The following HYAL1 variants were observed in gnomAD, a reference collection of about 807,000 sequenced individuals.
HYAL1 encodes hyaluronidase-1.
Under a neutral mutation model 28.8 loss-of-function variants are expected in HYAL1, and 21 were observed. The observed-to-expected ratio is 0.73, with a 90% CI of 0.52 to 1.05. The LOEUF is 1.05. Among genes scored for constraint, HYAL1 ranks in the 50% least tolerant of loss-of-function variants. The pLI, the probability that HYAL1 is intolerant of heterozygous loss-of-function variation, is 0.00. For synonymous variants in HYAL1, 200 were observed against 230.1 expected, an observed-to-expected ratio of 0.87 and a Z score of 1.18; for missense variants, 491 against 579.2, an observed-to-expected ratio of 0.85 and a Z score of 1.56.
rs782722149 is a variant in HYAL1, at chr3:50,302,342, A to G, written c.615T>C (p.Pro205=). Residue 205 remains proline (P), a synonymous_variant, in exon 2 of 4, where the codon CCT becomes CCC. Coordinates refer to ENST00000395144, the MANE Select transcript of HYAL1 (RefSeq NM_033159.4). The surrounding 1 kb of genome is among the most constrained non-coding windows in gnomAD (Gnocchi z 5.0). ...TTAGAAAGTCATAGTTGTAGCAGTC[A>G]GGGAAGCCATAGAAGCCCCAGAGGC... The part of the protein sequence containing the change: ...PRGLWGFYGF[P]DCYNYDFLSP... The G allele has an allele frequency of 6.2e-6, 10 of 1,613,416 alleles. No homozygotes were observed. The highest frequency in any genetic ancestry group is 6.8e-6 in the Non-Finnish European group (8 of 1,179,944).
chr3:50,311,211 TGGCTGGCCGGGCGGGG>T (rs1419595801), intron 1 of HYAL1, among the ~76,000 whole-genome samples: 2 of 108,932 alleles, frequency 1.8e-5, no homozygotes, highest in African/African-American at 7.0e-5. Flanking sequence ...CCGGACGGGG[TGGCTGGCCGGGCGGGG>T]GGCTGACCCC....
intron 1 of HYAL1, among the ~76,000 whole-genome samples, chr3:50,311,270 A>AC (rs1553714755): frequency 9.4e-6 from 1 of 106,644 alleles, no homozygotes; most frequent in African/African-American, 3.5e-5. Context: ...CGGGGGGCTG[A>AC]CCCCCCAACC....
At chr3:50,310,349 C>T (rs1405396499) in intron 1 of HYAL1, among the ~76,000 whole-genome samples, 12 of 145,324 alleles carry the variant, frequency 8.3e-5, no homozygotes, top group African/African-American at 1.3e-4. Context: ...ACTGAACCTC[C>T]GCCTCTCAGG....
upstream of HYAL1, among the ~76,000 whole-genome samples, chr3:50,304,283 A>G: frequency 1.8e-5 from 1 of 56,796 alleles, no homozygotes; most frequent in East Asian, 5.9e-4. Context: ...TCAAAAAAAA[A>G]AAAAAAAAAA....
chr3:50,310,855 G>A (rs1458271959), intron 1 of HYAL1, among the ~76,000 whole-genome samples: 4 of 150,898 alleles, frequency 2.7e-5, no homozygotes, highest in Admixed American at 1.3e-4. Flanking sequence ...ATCTTGCACC[G>A]CCCTTAATCC....
Position 50,300,435 on chromosome 3 carries a change from C to T in HYAL1, c.*48G>A. The T allele has an allele frequency of 6.3e-7, 1 of 1,595,462 alleles. No homozygotes were observed. The highest frequency in any genetic ancestry group is 8.6e-7 in the Non-Finnish European group (1 of 1,163,396). ...TGTATTTGAGGAAGCCCTGGCCAGA[C>T]CCAGAGTGCATTAGGTTCTCAATAT... On this transcript the variant is annotated 3_prime_UTR_variant, in exon 4 of 4. Coordinates refer to ENST00000395144, the MANE Select transcript of HYAL1 (RefSeq NM_033159.4).
At chr3:50,303,116 C>T in intron 1 of HYAL1, 136 bp from the exon 2 acceptor site, 1 of 696,122 alleles carries the variant, frequency 1.4e-6, no homozygotes, top group Non-Finnish European at 2.3e-6. Context: ...TGCAGGGCTC[C>T]AGGAGGGCAG....
At chr3:50,311,487 C>A (rs1702453283) in intron 1 of HYAL1, among the ~76,000 whole-genome samples, 1 of 123,482 alleles carries the variant, frequency 8.1e-6, no homozygotes, top group Non-Finnish European at 1.7e-5. Context: ...GCTGGCCGGG[C>A]AGAGGGGCTC....
Position 50,302,529 on chromosome 3 carries a change from G to A in HYAL1, c.428C>T (p.Thr143Ile), listed in dbSNP as rs1553713251. 2 of 1,614,176 alleles carry A rather than the reference G, an allele frequency of 1.2e-6. No individual in the cohort carries two copies. The highest frequency in any genetic ancestry group is 2.2e-5 in the East Asian group (1 of 44,882). ...WRPRWAFNWD[T>I]KDIYRQRSRA... ...TGAGCGCTGCCGGTAAATGTCCTTGGTGTCCCAGTTGAAGGCCCAGCGTGG... is the reference window on the plus strand; with the variant it reads ...TGAGCGCTGCCGGTAAATGTCCTTGATGTCCCAGTTGAAGGCCCAGCGTGG... Residue 143 changes from threonine (T) to isoleucine (I), a missense_variant, in exon 2 of 4, where the codon ACC becomes ATC. Thr to Ile is a moderately conservative substitution (Grantham distance 89). Coordinates refer to ENST00000395144, the MANE Select transcript of HYAL1 (RefSeq NM_033159.4). The surrounding 1 kb of genome is among the most constrained non-coding windows in gnomAD (Gnocchi z 5.0).
At chr3:50,305,286 C>T (rs1702313707), upstream of HYAL1, among the ~76,000 whole-genome samples, 1 of 152,158 alleles carries the variant, frequency 6.6e-6, no homozygotes, top group Admixed American at 6.5e-5. Context: ...CTCTGTCGCC[C>T]AGGCTGGAGT....
chr3:50,311,624 A>AC (rs1252423366), intron 1 of HYAL1, among the ~76,000 whole-genome samples: 5 of 99,400 alleles, frequency 5.0e-5, no homozygotes, highest in South Asian at 3.5e-4. Context: ...CGGGGGGCTG[A>AC]CCCCCCCACC....
chr3:50,300,303 T>C lies in HYAL1; in HGVS notation c.*180A>G. On this transcript the variant is annotated 3_prime_UTR_variant, in exon 4 of 4. Coordinates refer to ENST00000395144, the MANE Select transcript of HYAL1 (RefSeq NM_033159.4). ...TGGTGTCTGCTGTGGTTCTAACTCC[T>C]TATGCCACTATTCCAGTCTGTAAGT... The C allele has an allele frequency of 1.5e-6, 1 of 675,332 alleles. No individual in the cohort carries two copies. The highest frequency in any genetic ancestry group is 1.7e-5 in the South Asian group (1 of 59,106). 41.8% of individuals were successfully genotyped at this position (675,332 alleles called of 1,614,324 possible).
chr3:50,300,897 G>T, intron 3 of HYAL1, 91 bp downstream of exon 3: 1 of 1,530,440 alleles, frequency 6.5e-7, no homozygotes, highest in Non-Finnish European at 9.0e-7. Context: ...CCAGGACTTT[G>T]CAGGTAGAAA....
chr3:50,305,224 G>A (rs587730090), upstream of HYAL1, among the ~76,000 whole-genome samples: 2 of 152,266 alleles, frequency 1.3e-5, no homozygotes, highest in East Asian at 3.9e-4. Context: ...TCTGGACAGA[G>A]CTTATGTACT....
At chr3:50,307,490 C>A (rs993687327), upstream of HYAL1, among the ~76,000 whole-genome samples, 3 of 150,456 alleles carry the variant, frequency 2.0e-5, no homozygotes, top group Non-Finnish European at 4.4e-5. Flanking sequence ...ACCATCCTGG[C>A]TAACATGGTG....
At position 50,309,148 on chromosome 3, in the gene HYAL1, A is replaced by G. The variant is rs185241849; in HGVS notation, c.-191+511T>C. Among the ~76,000 whole-genome samples the G allele has an allele frequency of 5.7e-4, 86 of 151,062 alleles. 1 individual carries two copies. The highest frequency in any genetic ancestry group is 1.3e-3 in the Admixed American group (20 of 15,226). On this transcript the variant is annotated intron_variant, in intron 2 of 5. Transcript: ENST00000320295. ...GAGTATTCTTAACTTATGGCAATAC[A>G]GTTATTTGCATAAGTGCCATAAGAA...
upstream of HYAL1, among the ~76,000 whole-genome samples, chr3:50,305,140 AACCATCTGTCTGTC>A (rs1553713793): frequency 6.6e-6 from 1 of 152,224 alleles, no homozygotes; most frequent in East Asian, 1.9e-4. Flanking sequence ...AAAAGAATGC[AACCATCTGTCTGTC>A]ACCTGCCTGT....
intron 1 of HYAL1, among the ~76,000 whole-genome samples, chr3:50,311,880 T>A (rs1553714903): frequency 6.4e-5 from 8 of 124,498 alleles, no homozygotes; most frequent in African/African-American, 9.7e-5. Flanking sequence ...ACGGGGCGGC[T>A]GGCCGGGCGG....
upstream of HYAL1, among the ~76,000 whole-genome samples, chr3:50,305,312 C>G (rs1284475451): frequency 1.3e-5 from 2 of 152,116 alleles, no homozygotes; most frequent in Non-Finnish European, 2.9e-5. Context: ...GGTGCGATCT[C>G]AGCTCACTGC....
Sources: gnomAD v4.1 joint callset for allele counts (sites outside exome capture counted in the v4.1 genomes callset) on GRCh38, gnomAD v4.1.1 for gene constraint, Gnocchi (gnomAD v3.1) non-coding constraint, MANE v1.5 for transcripts, NCBI Gene and HGNC (gene_info 2026-07-23, HGNC 2026-07-21) for gene names.